The following ELAPOR2 variants were observed in gnomAD, a reference collection of about 807,000 sequenced individuals.
ELAPOR2 encodes the protein endosome/lysosome-associated apoptosis and autophagy regulator family member 2.
In ELAPOR2, 89 loss-of-function variants were observed where a neutral mutation model predicts 120.7. That is an observed-to-expected ratio of 0.74 (90% CI 0.62 to 0.88). The LOEUF is 0.88. ELAPOR2 is among the 40% of genes least tolerant of loss of function. ELAPOR2 has a pLI of 0.00. For missense variants in ELAPOR2, 1,134 were observed against 1,251.6 expected (o/e 0.91, Z 1.42); for synonymous variants, 444 against 444.9 (o/e 1.00, Z 0.03).
intron 1 of ELAPOR2, among the ~76,000 whole-genome samples, chr7:86,992,264 T>C (rs924617145): frequency 2.0e-5 from 3 of 152,032 alleles, no homozygotes; most frequent in African/African-American, 7.3e-5. Context: ...CCTATCTCTA[T>C]GAAAAAAGTT....
chr7:87,026,909 G>A (rs773557910), intron 1 of ELAPOR2, among the ~76,000 whole-genome samples: 10 of 152,022 alleles, frequency 6.6e-5, no homozygotes, highest in Admixed American at 2.6e-4. Context: ...CAGGGAGAAC[G>A]GGATACCCAG....
intron 1 of ELAPOR2, among the ~76,000 whole-genome samples, chr7:87,031,481 C>A (rs1393026422): frequency 6.6e-6 from 1 of 152,098 alleles, no homozygotes; most frequent in Non-Finnish European, 1.5e-5. Flanking sequence ...TACAGACAGG[C>A]AAGTAAGTGA....
chr7:86,998,946 C>T (rs903566105), intron 1 of ELAPOR2, among the ~76,000 whole-genome samples: 1 of 151,000 alleles, frequency 6.6e-6, no homozygotes, highest in Admixed American at 6.6e-5. Context: ...AATAGAGTTT[C>T]CATTGATGGA....
At chr7:86,977,906 G>C (rs898901407) in intron 1 of ELAPOR2, among the ~76,000 whole-genome samples, 1 of 152,110 alleles carries the variant, frequency 6.6e-6, no homozygotes, top group Admixed American at 6.5e-5. Flanking sequence ...ACATTTACTT[G>C]AGAAAATTAG....
intron 1 of ELAPOR2, among the ~76,000 whole-genome samples, chr7:86,983,647 G>T (rs1285263710): frequency 6.6e-6 from 1 of 152,184 alleles, no homozygotes; most frequent in Admixed American, 6.5e-5. Flanking sequence ...GAGAGATTTT[G>T]TCACTACCAG....
chr7:86,909,661 G>C, intron 16 of ELAPOR2, 151 bp downstream of exon 16: 1 of 600,906 alleles, frequency 1.7e-6, no homozygotes, highest in Non-Finnish European at 2.8e-6. Context: ...CCCACTAGTA[G>C]GAGCTTTTTA....
chr7:86,942,068 T>A lies in ELAPOR2; in HGVS notation c.691A>T (p.Thr231Ser). ...NDQCQEMDTTTDKWVKLTDNG... is the reference protein window; with the variant it reads ...NDQCQEMDTTSDKWVKLTDNG... ...TCTGTAAGTTTTACCCACTTGTCAG[T>A]GGTGGTGTCCATCTCCTGGCACTGA... Residue 231 changes from threonine to serine, a missense_variant, in exon 5 of 22, where the codon ACT becomes TCT. Coordinates refer to ENST00000450689, the MANE Select transcript of ELAPOR2 (RefSeq NM_001142749.3). 6.5e-7 allele frequency: 1 copy of A among 1,549,462 alleles called. No individual in the cohort carries two copies.
At chr7:86,946,030 A>G (rs563118263) in intron 3 of ELAPOR2, among the ~76,000 whole-genome samples, 1 of 152,276 alleles carries the variant, frequency 6.6e-6, no homozygotes, top group African/African-American at 2.4e-5. Context: ...GACCAAAAAA[A>G]AGTAGAGAAT....
intron 6 of ELAPOR2, among the ~76,000 whole-genome samples, chr7:86,939,541 C>T (rs1790713343): frequency 1.3e-5 from 2 of 152,086 alleles, no homozygotes; most frequent in South Asian, 4.1e-4. Context: ...TGCCAGGGTT[C>T]ACCGACTGCT....
rs146641199 is a variant in ELAPOR2, at chr7:86,975,665, C to T, written c.190-10641G>A. Among the ~76,000 whole-genome samples the T allele has an allele frequency of 3.2e-3, 482 of 152,324 alleles. 2 individuals carry two copies. The highest frequency in any genetic ancestry group is 5.6e-3 in the Admixed American group (85 of 15,294). ...ACCCCTGGCCAGGCCCTAATATGGA[C>T]ATGCTATCTGGACAGTCACAATAAA... is the stretch of plus-strand genomic sequence containing the variant. On this transcript the variant is annotated intron_variant, in intron 1 of 21. Coordinates refer to ENST00000450689, the MANE Select transcript of ELAPOR2 (RefSeq NM_001142749.3).
chr7:87,046,232 T>G (rs747434029), intron 1 of ELAPOR2, among the ~76,000 whole-genome samples: 1 of 152,052 alleles, frequency 6.6e-6, no homozygotes, highest in African/African-American at 2.4e-5. Flanking sequence ...TACCTAGGAA[T>G]CAACTTAACC....
At chr7:87,027,448 T>C (rs1794281389) in intron 1 of ELAPOR2, among the ~76,000 whole-genome samples, 1 of 152,058 alleles carries the variant, frequency 6.6e-6, no homozygotes. Context: ...AATAAGCCTA[T>C]GGGAAAGTAA....
At chr7:87,046,389 T>C (rs2129016803) in intron 1 of ELAPOR2, among the ~76,000 whole-genome samples, 1 of 152,298 alleles carries the variant, frequency 6.6e-6, no homozygotes, top group Middle Eastern at 3.4e-3. Context: ...AATCTACAGA[T>C]TTAATGCAAT....
rs1791060554 is a variant in ELAPOR2, at chr7:86,947,587, C to G, written c.506+140G>C. The G allele has an allele frequency of 1.1e-5, 8 of 746,194 alleles. No homozygotes were observed. The South Asian group carries it at 1.7e-4, about 16-fold the overall frequency. 46.2% of individuals were successfully genotyped at this position (746,194 alleles called of 1,614,324 possible). A position where few individuals can be genotyped will look rare whatever the true frequency, so the allele number is the denominator to read the frequency against. On this transcript the variant is annotated intron_variant, in intron 3 of 21. Transcript: ENST00000450689. The stretch of plus-strand genomic sequence containing the variant: ...ATGAAAACTCATTGCAATGACCGTC[C>G]AAAAAACATGATTCTTTGCAATTAG...
intron 8 of ELAPOR2, among the ~76,000 whole-genome samples, chr7:86,928,005 C>T (rs1488628067): frequency 1.3e-5 from 2 of 151,928 alleles, no homozygotes; most frequent in African/African-American, 4.8e-5. Context: ...TTAGGCTACC[C>T]AATTTTATTC....
chr7:87,059,231 G>C (rs891913959), intron 1 of ELAPOR2, 94 bp downstream of exon 1: 57 of 1,233,818 alleles, frequency 4.6e-5, no homozygotes, highest in Non-Finnish European at 5.6e-5. Context: ...AGGAAAAGGG[G>C]ATGGCAAACA....
intron 1 of ELAPOR2, among the ~76,000 whole-genome samples, chr7:86,965,528 C>G (rs1487810356): frequency 6.6e-6 from 1 of 152,164 alleles, no homozygotes; most frequent in Non-Finnish European, 1.5e-5. Flanking sequence ...GTTTTTAAAG[C>G]AGCTCTCCCA....
chr7:86,910,533 G>T (rs1386074649), intron 15 of ELAPOR2, among the ~76,000 whole-genome samples: 1 of 152,062 alleles, frequency 6.6e-6, no homozygotes, highest in Non-Finnish European at 1.5e-5. Flanking sequence ...GTCACTACAA[G>T]TGTCTTTATT....
At chr7:87,052,157 G>A (rs777225359) in intron 1 of ELAPOR2, among the ~76,000 whole-genome samples, 5 of 152,114 alleles carry the variant, frequency 3.3e-5, no homozygotes, top group Admixed American at 6.5e-5. Flanking sequence ...TTCCTGTGTC[G>A]GTCCATTTTC....
Sources: allele counts gnomAD v4.1 joint callset (sites outside exome capture counted in the v4.1 genomes callset), GRCh38; gene constraint gnomAD v4.1.1; transcripts MANE v1.5; gene names NCBI Gene and HGNC (gene_info 2026-07-23, HGNC 2026-07-21).